GRM5: variants seen among roughly 807,000 people sequenced by gnomAD.
GRM5 encodes glutamate metabotropic receptor 5.
Under a neutral mutation model 83.1 loss-of-function variants are expected in GRM5, and 19 were observed. The observed-to-expected ratio is 0.23, with a 90% CI of 0.16 to 0.34. The LOEUF is 0.34. GRM5 is among the 10% of genes least tolerant of loss of function. GRM5 has a pLI of 1.00. For synonymous variants in GRM5, 675 were observed against 633.6 expected, an observed-to-expected ratio of 1.07 and a Z score of -0.98; for missense variants, 1,160 against 1,588.3, an observed-to-expected ratio of 0.73 and a Z score of 4.58.
At chr11:88,713,683 A>G (rs1382320197) in intron 3 of GRM5, among the ~76,000 whole-genome samples, 1 of 152,044 alleles carries the variant, frequency 6.6e-6, no homozygotes, top group African/African-American at 2.4e-5. Context: ...AAAGAAAAAC[A>G]ACATTTTTTC....
chr11:88,961,970 C>T (rs185432085), intron 2 of GRM5, among the ~76,000 whole-genome samples: 182 of 152,290 alleles, frequency 1.2e-3, no homozygotes, highest in African/African-American at 4.3e-3. Context: ...GTGCCAGTCA[C>T]ATTATATAAT....
chr11:88,566,160 C>T (rs959325294), intron 8 of GRM5, among the ~76,000 whole-genome samples: 4 of 152,196 alleles, frequency 2.6e-5, no homozygotes, highest in Non-Finnish European at 4.4e-5. Flanking sequence ...CTTTTGATTA[C>T]ACATTACACT....
At chr11:88,617,519 G>C (rs34871554) in intron 4 of GRM5, among the ~76,000 whole-genome samples, 2 of 152,198 alleles carry the variant, frequency 1.3e-5, no homozygotes, top group South Asian at 4.1e-4. Context: ...CCAGTCTGAG[G>C]AAAAGAAAAT....
chr11:88,866,257 C>A (rs1590924074), intron 2 of GRM5, among the ~76,000 whole-genome samples: 1 of 152,160 alleles, frequency 6.6e-6, no homozygotes, highest in Non-Finnish European at 1.5e-5. Flanking sequence ...TTTGCAGGCA[C>A]ATGGATGAAG....
chr11:88,534,932 TG>T (rs1410622854), intron 8 of GRM5, among the ~76,000 whole-genome samples: 1 of 152,310 alleles, frequency 6.6e-6, no homozygotes, highest in Non-Finnish European at 1.5e-5. Flanking sequence ...AAACTTGTTT[TG>T]CTTGGCTGTC....
At chr11:88,869,605 C>T (rs372082395) in intron 2 of GRM5, among the ~76,000 whole-genome samples, 26 of 151,250 alleles carry the variant, frequency 1.7e-4, no homozygotes, top group African/African-American at 6.1e-4. Context: ...CTCTTCAACC[C>T]CCAACCTCAG....
chr11:88,951,323 G>C (rs1388199142), intron 2 of GRM5, among the ~76,000 whole-genome samples: 2 of 152,182 alleles, frequency 1.3e-5, no homozygotes, highest in African/African-American at 4.8e-5. Context: ...AATTATTCTA[G>C]GGTTAAATGG....
intron 3 of GRM5, among the ~76,000 whole-genome samples, chr11:88,714,505 A>T (rs906748822): frequency 6.6e-6 from 1 of 152,022 alleles, no homozygotes; most frequent in Non-Finnish European, 1.5e-5. Flanking sequence ...AACCTAAAGC[A>T]TATATCATAG....
intron 2 of GRM5, among the ~76,000 whole-genome samples, chr11:89,019,909 C>G (rs1287338873): frequency 6.6e-6 from 1 of 152,018 alleles, no homozygotes; most frequent in African/African-American, 2.4e-5. Context: ...CTCTGGAGGC[C>G]CCTCTTATTA....
chr11:88,912,673 C>T (rs767478712), intron 2 of GRM5, among the ~76,000 whole-genome samples: 7 of 152,172 alleles, frequency 4.6e-5, no homozygotes, highest in Admixed American at 6.5e-5. Context: ...TTTTGTCCAA[C>T]ATCCTTGTTA....
intron 2 of GRM5, among the ~76,000 whole-genome samples, chr11:89,015,141 A>T (rs759438991): frequency 3.2e-4 from 48 of 152,340 alleles, no homozygotes; most frequent in Middle Eastern, 3.4e-3. Context: ...TGGACTCGTC[A>T]CTTAGCCTGG....
At chr11:88,946,791 C>G (rs1001453160) in intron 2 of GRM5, among the ~76,000 whole-genome samples, 1 of 151,982 alleles carries the variant, frequency 6.6e-6, no homozygotes, top group Non-Finnish European at 1.5e-5. Flanking sequence ...TTCAGAAATT[C>G]TTTCTTTTGT....
chr11:89,036,818 A>T (rs1218531545), intron 2 of GRM5, among the ~76,000 whole-genome samples: 2 of 152,140 alleles, frequency 1.3e-5, no homozygotes, highest in Non-Finnish European at 2.9e-5. Context: ...CTGTGAATTT[A>T]AGTTATTGCA....
intron 2 of GRM5, among the ~76,000 whole-genome samples, chr11:88,898,312 T>C (rs1945265406): frequency 6.6e-6 from 1 of 151,986 alleles, no homozygotes; most frequent in Non-Finnish European, 1.5e-5. Flanking sequence ...ACTCAGAATA[T>C]GTTTAACTTG....
At chr11:88,695,657 G>A (rs962188160) in intron 3 of GRM5, among the ~76,000 whole-genome samples, 3 of 152,100 alleles carry the variant, frequency 2.0e-5, no homozygotes, top group African/African-American at 7.2e-5. Context: ...AAATACAATG[G>A]TCCTGAAAGG....
chr11:88,603,202 G>A (rs1938047137), intron 5 of GRM5, among the ~76,000 whole-genome samples: 1 of 152,220 alleles, frequency 6.6e-6, no homozygotes, highest in Middle Eastern at 3.2e-3. Context: ...AGGTAGCGAT[G>A]TTCTGCCAGA....
At chr11:88,524,610 C>A (rs1391030242) in intron 9 of GRM5, among the ~76,000 whole-genome samples, 1 of 152,210 alleles carries the variant, frequency 6.6e-6, no homozygotes, top group Non-Finnish European at 1.5e-5. Context: ...TCCAAATACT[C>A]CGGTTTACTA....
At chr11:88,854,063 T>TATATATATAC (rs1555027678) in intron 2 of GRM5, among the ~76,000 whole-genome samples, 12 of 146,608 alleles carry the variant, frequency 8.2e-5, no homozygotes, top group African/African-American at 2.3e-4. Flanking sequence ...GTGGTGTATA[T>TATATATATAC]ATATATATAT....
chr11:88,866,029 C>T (rs1194751142), intron 2 of GRM5, among the ~76,000 whole-genome samples: 5 of 152,088 alleles, frequency 3.3e-5, no homozygotes, highest in African/African-American at 1.2e-4. Flanking sequence ...ACCAGAAATA[C>T]CATTTAATCC....
Sources: allele counts gnomAD v4.1 joint callset (sites outside exome capture counted in the v4.1 genomes callset), GRCh38; gene constraint gnomAD v4.1.1; transcripts MANE v1.5; gene names NCBI Gene and HGNC (gene_info 2026-07-23, HGNC 2026-07-21).